The following FBLN5 variants were observed in gnomAD, a reference collection of about 807,000 sequenced individuals.
FBLN5 encodes the protein fibulin 5.
A neutral mutation model predicts 61.6 loss-of-function variants in FBLN5; 24 were observed. The observed-to-expected ratio is 0.39, with a 90% CI of 0.28 to 0.55. The LOEUF is 0.55. FBLN5 is among the 20% of genes least tolerant of loss of function. The probability of loss-of-function intolerance (pLI) is 0.65; values close to 1 mark genes in which losing one functional copy is unlikely to be tolerated. For missense variants in FBLN5, 470 were observed against 594.1 expected (o/e 0.79, Z 2.17); for synonymous variants, 213 against 219.8 (o/e 0.97, Z 0.27).
chr14:91,892,285 G>A (rs866763493), intron 5 of FBLN5, among the ~76,000 whole-genome samples: 8 of 152,164 alleles, frequency 5.3e-5, no homozygotes, highest in Non-Finnish European at 1.5e-5. Context: ...GGCTCCTGCT[G>A]TGACCAGTTG....
intron 7 of FBLN5, among the ~76,000 whole-genome samples, chr14:91,883,644 G>GAAAAAAAA (rs1555375076): frequency 2.3e-4 from 6 of 26,488 alleles, no homozygotes; most frequent in Non-Finnish European, 3.8e-4. Context: ...ACTTCACTGT[G>GAAAAAAAA]TAAAAAAAAA....
intron 4 of FBLN5, among the ~76,000 whole-genome samples, chr14:91,918,136 G>A (rs895556175): frequency 1.3e-5 from 2 of 152,206 alleles, no homozygotes; most frequent in African/African-American, 4.8e-5. Context: ...GTCCTCAAAT[G>A]AGTCCTCTCA....
At chr14:91,915,158 T>TA (rs1276209284) in intron 4 of FBLN5, among the ~76,000 whole-genome samples, 1 of 148,616 alleles carries the variant, frequency 6.7e-6, no homozygotes, top group East Asian at 2.0e-4. Flanking sequence ...AGTTTCTGTC[T>TA]AAAAAAATAA....
chr14:91,940,331 C>A (rs2056086612), intron 3 of FBLN5, among the ~76,000 whole-genome samples: 1 of 152,106 alleles, frequency 6.6e-6, no homozygotes. Flanking sequence ...AACACCAATC[C>A]AATAGAAACC....
intron 10 of FBLN5, among the ~76,000 whole-genome samples, chr14:91,872,599 G>A (rs1332860315): frequency 2.0e-5 from 3 of 152,208 alleles, no homozygotes; most frequent in African/African-American, 7.2e-5. Context: ...GGTGGGGCTG[G>A]CAGACAGGTG....
chr14:91,910,620 T>C (rs1890878689), intron 4 of FBLN5, among the ~76,000 whole-genome samples: 1 of 152,208 alleles, frequency 6.6e-6, no homozygotes, highest in Non-Finnish European at 1.5e-5. Flanking sequence ...AAAGAAATAA[T>C]CGATCTGTGA....
At chr14:91,892,883 G>C (rs1180250131) in intron 5 of FBLN5, among the ~76,000 whole-genome samples, 4 of 152,232 alleles carry the variant, frequency 2.6e-5, no homozygotes, top group Admixed American at 2.6e-4. Context: ...GCCATAATTA[G>C]GCGACGTCTT....
intron 1 of FBLN5, among the ~76,000 whole-genome samples, chr14:91,945,714 T>C (rs2056172824): frequency 6.6e-6 from 1 of 152,150 alleles, no homozygotes; most frequent in Admixed American, 6.5e-5. Flanking sequence ...TGCGAGGCCA[T>C]TTCCTTTATC....
chr14:91,898,524 G>T (rs547719665), intron 4 of FBLN5, among the ~76,000 whole-genome samples: 1 of 152,020 alleles, frequency 6.6e-6, no homozygotes, highest in Non-Finnish European at 1.5e-5. Context: ...AGCTCACAGC[G>T]GAACTTCTTA....
At chr14:91,932,541 G>A (rs1451501144) in intron 4 of FBLN5, among the ~76,000 whole-genome samples, 1 of 152,168 alleles carries the variant, frequency 6.6e-6, no homozygotes, top group Non-Finnish European at 1.5e-5. Context: ...GCCGTGAAAG[G>A]GGATGCTCAT....
chr14:91,924,395 T>C (rs750592084), intron 4 of FBLN5, among the ~76,000 whole-genome samples: 23 of 152,178 alleles, frequency 1.5e-4, no homozygotes, highest in Admixed American at 3.3e-4. Flanking sequence ...ACTAGAAAAA[T>C]ACTATGGTGA....
rs182457030 is a variant in FBLN5 at position 91,945,692 on chromosome 14, G to A, written c.17+1521C>T. On this transcript the variant is annotated intron_variant, in intron 1 of 10. Transcript: ENST00000342058. ...TCCAGAGGGAATAGGGCCCTGATAC[G>A]ATCTTAGGAGATGCGAGGCCATTTC... is the stretch of plus-strand genomic sequence containing the variant. 9.5e-4 allele frequency among the ~76,000 whole-genome samples: 145 copies of A among 152,240 alleles called. 1 individual carries two copies. The highest frequency in any genetic ancestry group is 3.7e-3 in the Admixed American group (56 of 15,286).
chr14:91,913,587 T>C (rs1891054910), intron 4 of FBLN5, among the ~76,000 whole-genome samples: 1 of 152,126 alleles, frequency 6.6e-6, no homozygotes, highest in Admixed American at 6.6e-5. Context: ...ATTTGTGGAG[T>C]TATTTTGGAA....
chr14:91,930,021 T>C (rs1439900802), intron 4 of FBLN5, among the ~76,000 whole-genome samples: 1 of 152,130 alleles, frequency 6.6e-6, no homozygotes, highest in Non-Finnish European at 1.5e-5. Context: ...AATTCAACTT[T>C]CAACTCCCTA....
At chr14:91,889,713 T>A (rs1889899088) in intron 6 of FBLN5, among the ~76,000 whole-genome samples, 1 of 152,050 alleles carries the variant, frequency 6.6e-6, no homozygotes, top group Non-Finnish European at 1.5e-5. Context: ...CTCACCGGAG[T>A]ATGCGACGCC....
chr14:91,942,323 C>T (rs2056118304), intron 2 of FBLN5: 1 of 372,614 alleles, frequency 2.7e-6, no homozygotes, highest in East Asian at 7.4e-5. Context: ...AATTATGCAA[C>T]ACTACATGCT....
intron 10 of FBLN5, among the ~76,000 whole-genome samples, chr14:91,876,412 G>C (rs529399475): frequency 6.6e-6 from 1 of 152,318 alleles, no homozygotes; most frequent in Non-Finnish European, 1.5e-5. Context: ...ATGCTGGGTA[G>C]TAGCCCCCAA....
chr14:91,947,047 A>G lies in FBLN5; in HGVS notation c.17+166T>C. The stretch of plus-strand genomic sequence containing the variant: ...AAGAACGCTTCAAGATGGAAATTAC[A>G]GAGGCGCAGCTTTTTATAATTAACA... On this transcript the variant is annotated intron_variant, in intron 1 of 10. Transcript: ENST00000342058. This position sits in a 1 kb window ranked among gnomAD's most constrained non-coding sequence, Gnocchi z 4.3. 1 of 1,538,136 alleles carries G rather than the reference A, an allele frequency of 6.5e-7. No individual in the cohort carries two copies. Among genetic ancestry groups the G allele is most frequent in the Non-Finnish European group, 8.8e-7 (1 of 1,140,924 alleles).
chr14:91,877,526 C>T lies in FBLN5; in HGVS notation c.1146G>A (p.Gln382=), dbSNP rs773084652. The T allele has an allele frequency of 6.2e-7, 1 of 1,613,994 alleles. No homozygotes were observed. Among genetic ancestry groups the T allele is most frequent in the African/African-American group, 1.3e-5 (1 of 74,912 alleles). Reference sequence around the variant, plus strand: ...CTCTGCCCTCATTCCCAGATTTGATCTGGAAAATGTAATAGGCCCCAGGGT... The same window carrying T: ...CTCTGCCCTCATTCCCAGATTTGATTTGGAAAATGTAATAGGCCCCAGGGT... The part of the protein sequence containing the change: ...TRYPGAYYIF[Q]IKSGNEGREF... The change falls in exon 10 of 11, where the codon CAG becomes CAA. Residue 382 remains glutamine, a synonymous_variant. Transcript: ENST00000342058.
Sources: gnomAD v4.1 joint callset for allele counts (sites outside exome capture counted in the v4.1 genomes callset) on GRCh38, gnomAD v4.1.1 for gene constraint, Gnocchi (gnomAD v3.1) non-coding constraint, MANE v1.5 for transcripts, NCBI Gene and HGNC (gene_info 2026-07-23, HGNC 2026-07-21) for gene names.